Variants in ZNF676 observed in about 807,000 individuals in gnomAD.
The protein encoded by ZNF676 is zinc finger protein 676.
In ZNF676, 4 loss-of-function variants were observed where a neutral mutation model predicts 6.0. The ratio of observed to expected loss-of-function variants is 0.67; its 90% confidence interval spans 0.33 to 1.53. ZNF676 has a LOEUF of 1.53. ZNF676 is among the 40% of genes most tolerant of loss of function. ZNF676 has a pLI of 0.06. For synonymous variants in ZNF676, 198 were observed against 223.1 expected (o/e 0.89, Z 1.00); for missense variants, 644 against 679.7 (o/e 0.95, Z 0.58).
the ZNF676 span, among the ~76,000 whole-genome samples, chr19:22,234,083 C>T: frequency 6.6e-6 from 1 of 152,234 alleles, no homozygotes; most frequent in African/African-American, 2.4e-5. Flanking sequence ...TTCCTCCTTC[C>T]ATGCAAAGTG....
At chr19:22,199,964 ACT>A (rs2024007574), upstream of ZNF676, among the ~76,000 whole-genome samples, 1 of 151,960 alleles carries the variant, frequency 6.6e-6, no homozygotes, top group Non-Finnish European at 1.5e-5. Flanking sequence ...ATGACCCAAA[ACT>A]CTGATCTCTT....
chr19:22,208,342 T>C (rs930883792), intron 1 of ZNF676, among the ~76,000 whole-genome samples: 1 of 148,862 alleles, frequency 6.7e-6, no homozygotes, highest in Non-Finnish European at 1.5e-5. Context: ...CTAACAAGCA[T>C]ATAAAAAAAT....
At chr19:22,204,962 C>A (rs1387913701) in intron 1 of ZNF676, among the ~76,000 whole-genome samples, 1 of 152,056 alleles carries the variant, frequency 6.6e-6, no homozygotes, top group Non-Finnish European at 1.5e-5. Flanking sequence ...GTTATCCACC[C>A]TTATTTTCAC....
chr19:22,244,038 CTT>C, the ZNF676 span: 1,129 of 123,974 alleles, frequency 9.1e-3, 7 homozygotes, highest in East Asian at 0.043. Flanking sequence ...TCTTTCTTCT[CTT>C]TTTTTTTTTT....
upstream of ZNF676, among the ~76,000 whole-genome samples, chr19:22,201,731 CAAAAAAAAAA>C (rs35526921): frequency 0.013 from 1,017 of 76,272 alleles, 21 homozygotes; most frequent in African/African-American, 0.04. Flanking sequence ...TTTGTAAAGG[CAAAAAAAAAA>C]AAAAAAAAAA....
At chr19:22,245,591 T>TA in the ZNF676 span, among the ~76,000 whole-genome samples, 1 of 147,862 alleles carries the variant, frequency 6.8e-6, no homozygotes, top group African/African-American at 2.6e-5. Context: ...TCACAATACT[T>TA]AAAAAATGCA....
the ZNF676 span, among the ~76,000 whole-genome samples, chr19:22,228,900 A>T: frequency 6.6e-6 from 1 of 152,230 alleles, no homozygotes; most frequent in East Asian, 1.9e-4. Context: ...TGATAGGAAG[A>T]ATCAATATCA....
the ZNF676 span, among the ~76,000 whole-genome samples, chr19:22,253,652 T>A: frequency 1.1e-4 from 17 of 151,876 alleles, no homozygotes; most frequent in Non-Finnish European, 2.1e-4. Context: ...AGGATCTAAC[T>A]TGCCAGAATT....
At chr19:22,193,494 C>T (rs2023934870) in intron 1 of ZNF676, among the ~76,000 whole-genome samples, 1 of 152,004 alleles carries the variant, frequency 6.6e-6, no homozygotes, top group Admixed American at 6.6e-5. Context: ...GGTCCTACTG[C>T]CGCTGTCTCC....
the ZNF676 span, chr19:22,259,899 A>G: frequency 6.6e-6 from 1 of 152,226 alleles, no homozygotes; most frequent in Non-Finnish European, 1.5e-5. Context: ...AGTTATGAGC[A>G]CAGACATATG....
the ZNF676 span, among the ~76,000 whole-genome samples, chr19:22,227,084 A>G: frequency 6.6e-6 from 1 of 152,204 alleles, no homozygotes; most frequent in Non-Finnish European, 1.5e-5. Context: ...CATCCCACTT[A>G]TTCTAAAATT....
chr19:22,215,773 G>C, exon 1 of ZNF676: 2 of 1,084,926 alleles, frequency 1.8e-6, no homozygotes, highest in Non-Finnish European at 2.6e-6. Context: ...ACAAAGGACC[G>C]ACCACATCCC....
the ZNF676 span, among the ~76,000 whole-genome samples, chr19:22,233,412 T>C: frequency 1.3e-5 from 2 of 152,228 alleles, no homozygotes. Context: ...TGATTGATAT[T>C]TGGACATTTT....
At position 22,196,737 on chromosome 19, in the gene ZNF676, C is replaced by T; in HGVS notation, c.-104G>A. ...AAATGTCAATGCTCCCTGGAAAACA[C>T]ACACAAACACATATATTTACCAATT... is the stretch of plus-strand genomic sequence containing the variant. On this transcript the variant is annotated 5_prime_UTR_variant, in exon 1 of 3. The change creates a new upstream start codon in the 5' untranslated region. Transcript: ENST00000397121. 7 of 1,590,186 alleles carry T rather than the reference C, an allele frequency of 4.4e-6. No individual in the cohort carries two copies. The South Asian group carries it at 4.4e-5, about 10-fold the overall frequency.
the ZNF676 span, among the ~76,000 whole-genome samples, chr19:22,228,594 G>A: frequency 6.6e-6 from 1 of 152,102 alleles, no homozygotes; most frequent in Non-Finnish European, 1.5e-5. Context: ...ATGATTGTAT[G>A]TTGAGAAAAC....
At chr19:22,235,947 C>T in the ZNF676 span, among the ~76,000 whole-genome samples, 9 of 149,682 alleles carry the variant, frequency 6.0e-5, no homozygotes, top group African/African-American at 2.2e-4. Context: ...GAAACTACAT[C>T]TAGTATGGCA....
chr19:22,214,514 G>A (rs1283724141), intron 1 of ZNF676, among the ~76,000 whole-genome samples: 1 of 148,364 alleles, frequency 6.7e-6, no homozygotes, highest in Non-Finnish European at 1.5e-5. Context: ...CAGGAGAATC[G>A]CTTGAACCTG....
chr19:22,184,826 G>GAAAA (rs144833243), intron 2 of ZNF676, among the ~76,000 whole-genome samples: 1 of 52,680 alleles, frequency 1.9e-5, no homozygotes, highest in African/African-American at 8.0e-5. Context: ...GGGCATCTTT[G>GAAAA]AAAAAAAAAA....
chr19:22,196,328 G>T (rs1235102001), intron 1 of ZNF676, among the ~76,000 whole-genome samples: 10 of 152,066 alleles, frequency 6.6e-5, no homozygotes, highest in Non-Finnish European at 1.3e-4. Context: ...ACTGTTCAAA[G>T]AATACAGTCA....
Sources: allele counts gnomAD v4.1 joint callset (sites outside exome capture counted in the v4.1 genomes callset), GRCh38; gene constraint gnomAD v4.1.1; transcripts MANE v1.5; gene names NCBI Gene and HGNC (gene_info 2026-07-23, HGNC 2026-07-21).